Variants in DOCK7 observed in about 807,000 individuals in gnomAD.
DOCK7 encodes dedicator of cytokinesis protein 7.
Under a neutral mutation model 271.0 loss-of-function variants are expected in DOCK7, and 138 were observed. The observed-to-expected ratio is 0.51, with a 90% CI of 0.44 to 0.59. The LOEUF is 0.59. Among genes scored for constraint, DOCK7 ranks in the 20% least tolerant of loss-of-function variants. The probability of loss-of-function intolerance (pLI) is 0.00; values close to 1 mark genes in which losing one functional copy is unlikely to be tolerated. For missense variants in DOCK7, 2,066 were observed against 2,592.4 expected (o/e 0.80, Z 4.41); for synonymous variants, 823 against 876.1 (o/e 0.94, Z 1.07).
chr1:62,534,064 T>A (rs778851388), intron 29 of DOCK7, among the ~76,000 whole-genome samples: 1 of 151,936 alleles, frequency 6.6e-6, no homozygotes, highest in African/African-American at 2.4e-5. Flanking sequence ...AGTGGTGTGA[T>A]CTTGGCTTAC....
At chr1:62,593,957 C>T (rs903942383) in intron 14 of DOCK7, among the ~76,000 whole-genome samples, 4 of 152,102 alleles carry the variant, frequency 2.6e-5, no homozygotes, top group African/African-American at 4.8e-5. Flanking sequence ...TACACAACCT[C>T]GTGTAGGATA....
chr1:62,479,887 G>A (rs1158745606), intron 43 of DOCK7, among the ~76,000 whole-genome samples: 8 of 151,926 alleles, frequency 5.3e-5, no homozygotes, highest in Admixed American at 1.3e-4. Context: ...GTTTTGCCAC[G>A]CTGCCCAGGC....
At chr1:62,645,323 A>T (rs1362254758) in intron 7 of DOCK7, among the ~76,000 whole-genome samples, 2 of 152,174 alleles carry the variant, frequency 1.3e-5, no homozygotes, top group African/African-American at 2.4e-5. Context: ...CATATGCATC[A>T]ATGGAATATC....
intron 22 of DOCK7, among the ~76,000 whole-genome samples, chr1:62,551,856 A>C (rs1211204042): frequency 6.6e-6 from 1 of 151,448 alleles, no homozygotes; most frequent in South Asian, 2.1e-4. Flanking sequence ...TCTTGAAAAA[A>C]GGCAAAAAAT....
chr1:62,527,183 T>A (rs1219824326), intron 31 of DOCK7, among the ~76,000 whole-genome samples: 2 of 152,180 alleles, frequency 1.3e-5, no homozygotes, highest in African/African-American at 4.8e-5. Flanking sequence ...GGCAATTTGG[T>A]TCCTTCCTGC....
chr1:62,504,886 T>A, intron 36 of DOCK7, 104 bp from the exon 37 acceptor site: 1 of 1,331,750 alleles, frequency 7.5e-7, no homozygotes, highest in Non-Finnish European at 1.0e-6. Context: ...GCCCAGAAAT[T>A]AAAAGAATGG....
At chr1:62,538,615 A>C (rs907745115) in intron 27 of DOCK7, among the ~76,000 whole-genome samples, 1 of 152,226 alleles carries the variant, frequency 6.6e-6, no homozygotes, top group African/African-American at 2.4e-5. Flanking sequence ...GGGAAAGGTA[A>C]AAATGATACA....
chr1:62,640,076 A>T (rs1192253885), intron 7 of DOCK7, among the ~76,000 whole-genome samples: 1 of 152,164 alleles, frequency 6.6e-6, no homozygotes, highest in Non-Finnish European at 1.5e-5. Flanking sequence ...TTTATTCACT[A>T]TAAATGTACC....
chr1:62,534,017 GA>G (rs972269281), intron 29 of DOCK7, among the ~76,000 whole-genome samples: 1 of 140,764 alleles, frequency 7.1e-6, no homozygotes, highest in African/African-American at 2.7e-5. Flanking sequence ...TTTTTTTTTT[GA>G]GATGAAGTCT....
At position 62,577,233 on chromosome 1, in the gene DOCK7, T is replaced by C. The variant is rs757466530; in HGVS notation, c.2112+29A>G. On this transcript the variant is annotated intron_variant, in intron 18 of 49. Transcript: ENST00000635253. ...AGTAAAAAACCCATTTCATTCAATCTGGAGAAAGTCAACATGGGAGACACT... is the reference window on the plus strand; with the variant it reads ...AGTAAAAAACCCATTTCATTCAATCCGGAGAAAGTCAACATGGGAGACACT... 12 of 1,346,662 alleles carry C rather than the reference T, an allele frequency of 8.9e-6. No homozygotes were observed. In the South Asian group the frequency reaches 2.3e-4, roughly 26 times the overall value. The allele number at this position is 1,346,662 out of a possible 1,614,324, so 83.4% of individuals were successfully genotyped here.
intron 39 of DOCK7, 70 bp downstream of exon 39, chr1:62,495,511 T>TC: frequency 1.1e-6 from 1 of 904,728 alleles, no homozygotes; most frequent in South Asian, 2.7e-5. Context: ...TTTATTTTTT[T>TC]CATCTAATGC....
intron 14 of DOCK7, chr1:62,602,158 G>A (rs1347832006): frequency 1.2e-5 from 9 of 764,742 alleles, no homozygotes; most frequent in Non-Finnish European, 1.9e-5. Context: ...ATAATAAAAT[G>A]TATTGCCATA....
At chr1:62,659,620 A>G (rs1016771036) in intron 2 of DOCK7, among the ~76,000 whole-genome samples, 4 of 152,198 alleles carry the variant, frequency 2.6e-5, no homozygotes, top group Admixed American at 2.6e-4. Context: ...AGCAGAAAGG[A>G]CTTTAAAATA....
chr1:62,548,807 G>C (rs183914905), intron 22 of DOCK7, among the ~76,000 whole-genome samples: 1 of 152,290 alleles, frequency 6.6e-6, no homozygotes, highest in Admixed American at 6.5e-5. Flanking sequence ...TTTAAAACTA[G>C]TACATTAGTT....
chr1:62,678,110 A>G (rs962911333), intron 1 of DOCK7, among the ~76,000 whole-genome samples: 1 of 152,260 alleles, frequency 6.6e-6, no homozygotes, highest in African/African-American at 2.4e-5. Flanking sequence ...CCTGGACAAC[A>G]GAGCAAGAGT....
intron 35 of DOCK7, among the ~76,000 whole-genome samples, chr1:62,507,113 A>C (rs541712019): frequency 8.9e-4 from 136 of 152,090 alleles, no homozygotes; most frequent in African/African-American, 3.2e-3. Context: ...CCAGCCATAA[A>C]ATACTTTTAA....
chr1:62,641,338 C>A (rs896494050), intron 7 of DOCK7: 8 of 408,040 alleles, frequency 2.0e-5, no homozygotes, highest in Non-Finnish European at 3.8e-5. Context: ...TTCTCACAGG[C>A]TTCAGGCACA....
At chr1:62,561,930 C>A (rs1230915163) in intron 18 of DOCK7, among the ~76,000 whole-genome samples, 2 of 151,258 alleles carry the variant, frequency 1.3e-5, no homozygotes, top group African/African-American at 4.9e-5. Flanking sequence ...ATAATGCACA[C>A]AAAATTTCTA....
intron 30 of DOCK7, among the ~76,000 whole-genome samples, chr1:62,528,924 TTTTATATATATGAATCAAG>T (rs1463783742): frequency 6.6e-6 from 1 of 152,194 alleles, no homozygotes; most frequent in Admixed American, 6.5e-5. Flanking sequence ...TTCATTTCAA[TTTTATATATATGAATCAAG>T]TCAAAACTGA....
Sources: gnomAD v4.1 joint callset for allele counts (sites outside exome capture counted in the v4.1 genomes callset) on GRCh38, gnomAD v4.1.1 for gene constraint, MANE v1.5 for transcripts, NCBI Gene and HGNC (gene_info 2026-07-23, HGNC 2026-07-21) for gene names.